KPNA1: variants seen among roughly 807,000 people sequenced by gnomAD.
KPNA1 encodes importin subunit alpha-5.
Under a neutral mutation model 70.5 loss-of-function variants are expected in KPNA1, and 10 were observed. That is an observed-to-expected ratio of 0.14 (90% CI 0.09 to 0.24). The LOEUF (loss-of-function observed/expected upper bound fraction) is 0.24, where lower values mean the gene tolerates loss of function less well. KPNA1 is among the 10% of genes least tolerant of loss of function. The probability of loss-of-function intolerance (pLI) is 1.00; values close to 1 mark genes in which losing one functional copy is unlikely to be tolerated. For synonymous variants in KPNA1, 192 were observed against 221.9 expected, an observed-to-expected ratio of 0.87 and a Z score of 1.20; for missense variants, 397 against 637.9, an observed-to-expected ratio of 0.62 and a Z score of 4.07.
rs544169753 is a variant in KPNA1 at position 122,514,305 on chromosome 3, A to G, written c.-6+452T>C. Among the ~76,000 whole-genome samples, 13 of 152,052 alleles carry G rather than the reference A, an allele frequency of 8.5e-5. No homozygotes were observed. The South Asian group carries it at 2.5e-3, about 29-fold the overall frequency. On this transcript the variant is annotated intron_variant, in intron 1 of 13. Transcript: ENST00000344337. ...AAGACGGTCCCTTTTTGCCAGGGTTAGAATTTTTACACGCCACCCCTGCTC... is the reference window on the plus strand; with the variant it reads ...AAGACGGTCCCTTTTTGCCAGGGTTGGAATTTTTACACGCCACCCCTGCTC...
chr3:122,477,967 T>G (rs775769932), intron 2 of KPNA1, among the ~76,000 whole-genome samples: 1 of 150,630 alleles, frequency 6.6e-6, no homozygotes, highest in Non-Finnish European at 1.5e-5. Context: ...ATTGAGACCA[T>G]CCTGGCCAAC....
intron 1 of KPNA1, among the ~76,000 whole-genome samples, chr3:122,497,924 T>C (rs1016279128): frequency 9.9e-5 from 15 of 152,216 alleles, no homozygotes; most frequent in Non-Finnish European, 5.9e-5. Context: ...TCCAAATTAA[T>C]CTGTTTTTTG....
intron 12 of KPNA1, among the ~76,000 whole-genome samples, chr3:122,428,257 ACTT>A (rs2075849195): frequency 6.6e-6 from 1 of 152,204 alleles, no homozygotes; most frequent in African/African-American, 2.4e-5. Context: ...TCATACTTGA[ACTT>A]CAGAGACATG....
chr3:122,434,691 T>C (rs1040541417), intron 11 of KPNA1, among the ~76,000 whole-genome samples: 4 of 152,242 alleles, frequency 2.6e-5, no homozygotes, highest in Admixed American at 6.5e-5. Flanking sequence ...ATAAGACTTA[T>C]AGTTGGATGG....
At chr3:122,469,874 T>C (rs2076421940) in intron 2 of KPNA1, among the ~76,000 whole-genome samples, 1 of 152,126 alleles carries the variant, frequency 6.6e-6, no homozygotes, top group Non-Finnish European at 1.5e-5. Context: ...ATTTGAAGTG[T>C]TGAGAGAGAA....
intron 2 of KPNA1, among the ~76,000 whole-genome samples, chr3:122,481,599 T>C (rs745446215): frequency 1.7e-4 from 26 of 152,188 alleles, no homozygotes; most frequent in Non-Finnish European, 3.7e-4. Flanking sequence ...TAAAATTGGT[T>C]GTGGTGAAGT....
chr3:122,452,208 C>T, intron 6 of KPNA1, 144 bp from the exon 7 acceptor site: 2 of 722,074 alleles, frequency 2.8e-6, no homozygotes, highest in Non-Finnish European at 5.0e-6. Flanking sequence ...AAATAATATC[C>T]TAAAGTGTAC....
At chr3:122,514,532 A>G (rs909531550) in intron 1 of KPNA1, 1 of 150,508 alleles carries the variant, frequency 6.6e-6, no homozygotes, top group African/African-American at 2.5e-5. Context: ...TGGCGATCAC[A>G]CCAGGGCTCC....
At chr3:122,488,921 T>C (rs1291357560) in intron 2 of KPNA1, among the ~76,000 whole-genome samples, 2 of 152,186 alleles carry the variant, frequency 1.3e-5, no homozygotes, top group African/African-American at 4.8e-5. Flanking sequence ...CAGTTCTTCA[T>C]TATAAAAGGT....
intron 5 of KPNA1, chr3:122,460,684 T>A (rs1168461671): frequency 1.1e-6 from 1 of 908,904 alleles, no homozygotes; most frequent in East Asian, 1.2e-4. Flanking sequence ...ATCCAGAGAT[T>A]ACAAAATTTC....
intron 2 of KPNA1, among the ~76,000 whole-genome samples, chr3:122,481,395 T>C (rs928326390): frequency 3.9e-4 from 60 of 152,242 alleles, no homozygotes; most frequent in African/African-American, 1.2e-3. Context: ...TAACACACTC[T>C]ACTAAGTTAA....
At chr3:122,450,264 G>C (rs770675219) in intron 8 of KPNA1, among the ~76,000 whole-genome samples, 13 of 152,128 alleles carry the variant, frequency 8.5e-5, no homozygotes, top group African/African-American at 1.7e-4. Flanking sequence ...CTCAAAAGAA[G>C]ATATACAAAT....
chr3:122,462,475 A>G (rs1450685909), intron 4 of KPNA1, among the ~76,000 whole-genome samples: 2 of 152,182 alleles, frequency 1.3e-5, no homozygotes, highest in Admixed American at 1.3e-4. Flanking sequence ...CATACCCTAC[A>G]TTAATAACAA....
At chr3:122,500,199 G>A (rs1007973787) in intron 1 of KPNA1, among the ~76,000 whole-genome samples, 1 of 151,754 alleles carries the variant, frequency 6.6e-6, no homozygotes, top group Non-Finnish European at 1.5e-5. Context: ...TCGGCTCACT[G>A]CAACTTCTGT....
chr3:122,447,518 T>C (rs2076153251), intron 9 of KPNA1, among the ~76,000 whole-genome samples: 1 of 152,172 alleles, frequency 6.6e-6, no homozygotes, highest in Non-Finnish European at 1.5e-5. Context: ...TGATGGACCA[T>C]ATCTCAAAAT....
chr3:122,449,468 CAAT>C, intron 9 of KPNA1, 103 bp downstream of exon 9: 1 of 917,714 alleles, frequency 1.1e-6, no homozygotes, highest in Non-Finnish European at 1.6e-6. Flanking sequence ...GCCCAAAGCA[CAAT>C]AAATCAATTA....
chr3:122,504,788 C>T (rs2076871373), intron 1 of KPNA1, among the ~76,000 whole-genome samples: 1 of 152,038 alleles, frequency 6.6e-6, no homozygotes, highest in South Asian at 2.1e-4. Context: ...TGCATTTAGA[C>T]TTTGGGTGAG....
At chr3:122,491,931 G>A (rs1005468686) in intron 2 of KPNA1, among the ~76,000 whole-genome samples, 22 of 126,494 alleles carry the variant, frequency 1.7e-4, no homozygotes, top group African/African-American at 5.7e-4. Context: ...GCGCGATCTC[G>A]ACTCACTGCA....
At chr3:122,505,133 G>A (rs539603724) in intron 1 of KPNA1, among the ~76,000 whole-genome samples, 4 of 151,882 alleles carry the variant, frequency 2.6e-5, no homozygotes, top group South Asian at 2.1e-4. Flanking sequence ...GTGAAACCCC[G>A]CCTCTACTAA....
Sources: gnomAD v4.1 joint callset for allele counts (sites outside exome capture counted in the v4.1 genomes callset) on GRCh38, gnomAD v4.1.1 for gene constraint, MANE v1.5 for transcripts, NCBI Gene and HGNC (gene_info 2026-07-23, HGNC 2026-07-21) for gene names.